The following RHBDD1 variants were observed in gnomAD, a reference collection of about 807,000 sequenced individuals.
RHBDD1 encodes the protein rhomboid domain containing 1, also known as rhomboid-related protein 4.
A neutral mutation model predicts 36.3 loss-of-function variants in RHBDD1; 38 were observed. That is an observed-to-expected ratio of 1.05 (90% confidence interval 0.81 to 1.37). RHBDD1 has a LOEUF of 1.37. Ranked by LOEUF, RHBDD1 falls within the 40% of genes most tolerant of loss-of-function variation. The pLI is 0.00. For missense variants in RHBDD1, 393 were observed against 377.6 expected (o/e 1.04, Z -0.34); for synonymous variants, 151 against 136.5 (o/e 1.11, Z -0.74).
intron 8 of RHBDD1, among the ~76,000 whole-genome samples, chr2:226,975,828 A>G (rs1954464552): frequency 6.6e-6 from 1 of 152,120 alleles, no homozygotes; most frequent in Admixed American, 6.5e-5. Context: ...TAATACACAA[A>G]AGCAAGATTT....
intron 5 of RHBDD1, 22 bp downstream of exon 5, chr2:226,867,340 A>G (rs561035550): frequency 2.5e-4 from 407 of 1,601,118 alleles, no homozygotes; most frequent in Middle Eastern, 1.7e-4. Flanking sequence ...CTTTTGGGGA[A>G]TACAGTTGAA....
intron 5 of RHBDD1, among the ~76,000 whole-genome samples, chr2:226,899,652 T>G (rs543625802): frequency 6.6e-6 from 1 of 152,308 alleles, no homozygotes; most frequent in East Asian, 1.9e-4. Context: ...AAAGACAGAT[T>G]GCCTACAGAG....
intron 5 of RHBDD1, among the ~76,000 whole-genome samples, chr2:226,881,663 T>A (rs1945750586): frequency 6.6e-6 from 1 of 152,200 alleles, no homozygotes; most frequent in South Asian, 2.1e-4. Context: ...TGTCGCTGAC[T>A]TTCTGTATGT....
chr2:226,948,480 G>A (rs984299300), intron 8 of RHBDD1, among the ~76,000 whole-genome samples: 1 of 147,304 alleles, frequency 6.8e-6, no homozygotes, highest in Non-Finnish European at 1.5e-5. Context: ...TGACGAGTTA[G>A]TGGGTGCAGC....
chr2:226,879,411 C>T (rs889383606), intron 5 of RHBDD1, among the ~76,000 whole-genome samples: 2 of 152,200 alleles, frequency 1.3e-5, no homozygotes, highest in Non-Finnish European at 2.9e-5. Flanking sequence ...AGAACAAGTA[C>T]TGTTTGTTCA....
At chr2:226,968,696 G>A (rs1436506609) in intron 8 of RHBDD1, among the ~76,000 whole-genome samples, 1 of 152,176 alleles carries the variant, frequency 6.6e-6, no homozygotes, top group Non-Finnish European at 1.5e-5. Flanking sequence ...TTGAAAATGG[G>A]GAATTTTTAA....
the RHBDD1 span, among the ~76,000 whole-genome samples, chr2:226,815,158 A>C: frequency 6.6e-6 from 1 of 152,180 alleles, no homozygotes; most frequent in Non-Finnish European, 1.5e-5. Flanking sequence ...TCCAAGTATA[A>C]ATGGCCTGAA....
chr2:226,987,187 G>T (rs907847963), intron 8 of RHBDD1, among the ~76,000 whole-genome samples: 1 of 152,164 alleles, frequency 6.6e-6, no homozygotes, highest in African/African-American at 2.4e-5. Context: ...GGGGCTGGGG[G>T]CAAGGGGAGG....
intron 6 of RHBDD1, 59 bp from the exon 7 acceptor site, chr2:226,908,763 A>G: frequency 8.9e-7 from 1 of 1,121,788 alleles, no homozygotes; most frequent in South Asian, 1.2e-5. Context: ...AATTACTGGA[A>G]CAATTAGCAT....
At chr2:226,928,679 A>G (rs896660738) in intron 8 of RHBDD1, among the ~76,000 whole-genome samples, 4 of 151,974 alleles carry the variant, frequency 2.6e-5, no homozygotes, top group African/African-American at 9.7e-5. Flanking sequence ...AGAAATTGCA[A>G]CAACAACAAC....
At chr2:226,972,026 T>G (rs4675131) in intron 8 of RHBDD1, among the ~76,000 whole-genome samples, 74,950 of 151,708 alleles carry the variant, frequency 0.49, 19,411 homozygotes, top group African/African-American at 0.66. Context: ...CCGTCATCTA[T>G]GTTTTAAGCC....
intron 8 of RHBDD1, among the ~76,000 whole-genome samples, chr2:226,947,609 C>T (rs1349556543): frequency 1.3e-5 from 2 of 151,988 alleles, no homozygotes; most frequent in East Asian, 3.9e-4. Context: ...TCCATATGAA[C>T]TTTAAAGTAG....
intron 3 of RHBDD1, among the ~76,000 whole-genome samples, chr2:226,842,835 G>T (rs917846165): frequency 3.9e-5 from 6 of 152,128 alleles, no homozygotes; most frequent in African/African-American, 4.8e-5. Context: ...AGTTTAATGG[G>T]AATAGCATTA....
chr2:226,826,314 T>C, the RHBDD1 span, among the ~76,000 whole-genome samples: 10 of 152,196 alleles, frequency 6.6e-5, no homozygotes, highest in African/African-American at 2.4e-4. Context: ...AATTATTTTA[T>C]TGTTATTTCA....
At chr2:226,815,472 T>C in the RHBDD1 span, among the ~76,000 whole-genome samples, 1 of 152,234 alleles carries the variant, frequency 6.6e-6, no homozygotes, top group South Asian at 2.1e-4. Flanking sequence ...AGTTATTATA[T>C]ATTTCATCCA....
chr2:226,989,569 A>G (rs1957719428), intron 8 of RHBDD1, among the ~76,000 whole-genome samples: 1 of 152,144 alleles, frequency 6.6e-6, no homozygotes, highest in South Asian at 2.1e-4. Flanking sequence ...GCATGTAGCA[A>G]TTGTCCCACA....
the RHBDD1 span, among the ~76,000 whole-genome samples, chr2:226,800,463 A>G: frequency 1.3e-5 from 2 of 152,196 alleles, no homozygotes; most frequent in African/African-American, 4.8e-5. Flanking sequence ...TATGGTCACT[A>G]CAAAAGGAGA....
chr2:226,988,889 A>G (rs1424285511), intron 8 of RHBDD1, among the ~76,000 whole-genome samples: 1 of 152,204 alleles, frequency 6.6e-6, no homozygotes, highest in African/African-American at 2.4e-5. Context: ...TCCTAATTCT[A>G]GATGCATCCA....
At chr2:226,825,183 C>T in the RHBDD1 span, among the ~76,000 whole-genome samples, 1 of 152,158 alleles carries the variant, frequency 6.6e-6, no homozygotes, top group African/African-American at 2.4e-5. Flanking sequence ...AAGTCTCCTA[C>T]GAGGTCTCCA....
Sources: allele counts gnomAD v4.1 joint callset (sites outside exome capture counted in the v4.1 genomes callset), GRCh38; gene constraint gnomAD v4.1.1; transcripts MANE v1.5; gene names NCBI Gene and HGNC (gene_info 2026-07-23, HGNC 2026-07-21).